The following KIF3A variants were observed in gnomAD, a reference collection of about 807,000 sequenced individuals.
KIF3A encodes kinesin family member 3A.
In KIF3A, 27 loss-of-function variants were observed where a neutral mutation model predicts 92.6. The observed-to-expected ratio is 0.29, with a 90% CI of 0.21 to 0.40. The LOEUF (loss-of-function observed/expected upper bound fraction) is 0.40. Among genes scored for constraint, KIF3A ranks in the 10% least tolerant of loss-of-function variants. KIF3A has a pLI of 1.00. For synonymous variants in KIF3A, 250 were observed against 275.4 expected (o/e 0.91, Z 0.92); for missense variants, 581 against 872.6 (o/e 0.67, Z 4.21).
At chr5:132,689,288 CCTT>C (rs1206326051), downstream of KIF3A, among the ~76,000 whole-genome samples, 6 of 152,152 alleles carry the variant, frequency 3.9e-5, no homozygotes, top group African/African-American at 1.2e-4. Flanking sequence ...TGTGTTAACT[CCTT>C]CTGTAAAGGC....
chr5:132,725,235 T>C (rs1190266620), intron 4 of KIF3A, among the ~76,000 whole-genome samples: 1 of 152,132 alleles, frequency 6.6e-6, no homozygotes, highest in East Asian at 1.9e-4. Flanking sequence ...ATATTTGCTA[T>C]ATAAATGGTA....
chr5:132,724,075 A>T (rs1753917845), intron 4 of KIF3A, among the ~76,000 whole-genome samples: 1 of 152,234 alleles, frequency 6.6e-6, no homozygotes. Flanking sequence ...GTCATCAGAG[A>T]AATGCAAATC....
chr5:132,716,723 T>C (rs1426414264), intron 6 of KIF3A, 122 bp downstream of exon 6: 3 of 1,082,930 alleles, frequency 2.8e-6, no homozygotes, highest in South Asian at 2.8e-5. Flanking sequence ...ATAATAAACA[T>C]ACACAAGTAA....
intron 18 of KIF3A, among the ~76,000 whole-genome samples, chr5:132,696,968 C>T (rs529633242): frequency 7.2e-5 from 11 of 152,286 alleles, no homozygotes; most frequent in Admixed American, 3.3e-4. Context: ...GTGGCCAGGC[C>T]AAGTGAGCTG....
At chr5:132,706,768 T>C (rs1297621311) in intron 10 of KIF3A, among the ~76,000 whole-genome samples, 1 of 152,154 alleles carries the variant, frequency 6.6e-6, no homozygotes, top group Non-Finnish European at 1.5e-5. Flanking sequence ...AAGGTCACAG[T>C]TCAACACCAT....
intron 18 of KIF3A, 108 bp downstream of exon 18, chr5:132,699,063 C>T (rs1752935483): frequency 1.8e-6 from 2 of 1,139,832 alleles, no homozygotes; most frequent in East Asian, 4.9e-5. Flanking sequence ...AATAAATCAG[C>T]CAAAATATGT....
At chr5:132,707,243 T>C (rs1753243530) in intron 10 of KIF3A, among the ~76,000 whole-genome samples, 1 of 152,034 alleles carries the variant, frequency 6.6e-6, no homozygotes, top group South Asian at 2.1e-4. Context: ...TAAACAATGA[T>C]TCTACAGGAG....
chr5:132,696,698 A>G lies in KIF3A; in HGVS notation c.2133-16T>C. 1 of 1,599,636 alleles carries G rather than the reference A, an allele frequency of 6.3e-7. No homozygotes were observed. Among genetic ancestry groups the G allele is most frequent in the Non-Finnish European group, 8.6e-7 (1 of 1,167,048 alleles). On this transcript the variant is annotated splice_polypyrimidine_tract_variant and intron_variant, in intron 18 of 18. Coordinates refer to ENST00000403231, the MANE Select transcript of KIF3A (RefSeq NM_001300791.2). ...AGAACGCTTTCTGTTTGGAGAAGAA[A>G]AAAAGCAATCATGAATGCTTTCCTA...
At chr5:132,728,589 T>C (rs1006153477) in intron 2 of KIF3A, among the ~76,000 whole-genome samples, 2 of 151,720 alleles carry the variant, frequency 1.3e-5, no homozygotes, top group African/African-American at 4.8e-5. Flanking sequence ...ATACAAAAAT[T>C]AGCTGGGTGT....
intron 4 of KIF3A, chr5:132,723,669 A>C (rs2149913741): frequency 6.6e-6 from 1 of 152,362 alleles, no homozygotes; most frequent in Non-Finnish European, 1.5e-5. Context: ...TTAAAGACTT[A>C]AATGTTAGAC....
rs928973241 is a variant in KIF3A, at chr5:132,702,612, T to C, written c.1704A>G (p.Gly568=). ...AAACTTTCTTTAACTTCTTGGTCTTTCCCTGTGCTTCCTCTTGCAAACTGG... is the reference window on the plus strand; with the variant it reads ...AAACTTTCTTTAACTTCTTGGTCTTCCCCTGTGCTTCCTCTTGCAAACTGG... ...KYTSLQEEAQ[G]KTKKLKKVWT... Residue 568 remains glycine (G), a synonymous_variant, in exon 14 of 19, where the codon GGA becomes GGG. Coordinates refer to ENST00000403231, the MANE Select transcript of KIF3A (RefSeq NM_001300791.2). The C allele has an allele frequency of 6.2e-7, 1 of 1,613,458 alleles. No homozygotes were observed.
intron 5 of KIF3A, 120 bp from the exon 6 acceptor site, chr5:132,717,104 C>T (rs1231586855): frequency 1.1e-6 from 1 of 938,016 alleles, no homozygotes; most frequent in Admixed American, 2.5e-5. Context: ...GAGAGCATGG[C>T]TAAACCATAA....
chr5:132,720,760 A>C, intron 4 of KIF3A, 46 bp from the exon 5 acceptor site: 1 of 1,071,264 alleles, frequency 9.3e-7, no homozygotes, highest in Non-Finnish European at 1.4e-6. Context: ...ACTCTTCCAC[A>C]ATTATTTATT....
intron 4 of KIF3A, chr5:132,723,127 C>T (rs1417059131): frequency 6.6e-6 from 1 of 152,094 alleles, no homozygotes; most frequent in African/African-American, 2.4e-5. Context: ...GAACTACAAA[C>T]CACTGCTCAA....
At chr5:132,730,204 C>A (rs560028848) in intron 2 of KIF3A, among the ~76,000 whole-genome samples, 1 of 150,674 alleles carries the variant, frequency 6.6e-6, no homozygotes, top group Non-Finnish European at 1.5e-5. Flanking sequence ...CGGTGGCTCA[C>A]GCCTGTAATC....
intron 1 of KIF3A, among the ~76,000 whole-genome samples, chr5:132,735,588 A>G (rs997883980): frequency 2.6e-5 from 4 of 152,106 alleles, no homozygotes; most frequent in Middle Eastern, 3.2e-3. Flanking sequence ...ACTTCTATCT[A>G]TCTCTCATCC....
chr5:132,728,470 T>C (rs189345623), intron 2 of KIF3A, among the ~76,000 whole-genome samples: 4 of 152,292 alleles, frequency 2.6e-5, no homozygotes, highest in African/African-American at 9.6e-5. Context: ...GCGGGGTGGC[T>C]CATGCCTGTA....
At position 132,726,459 on chromosome 5, in the gene KIF3A, G is replaced by C. The variant is rs1197656103; in HGVS notation, c.320C>G (p.Thr107Ser). The stretch of plus-strand genomic sequence containing the variant: ...AGCTCGAACACCTTCCATGGTAAAA[G>C]TTTTGCCTGTTCCGGTTTGTCCATA... ...FAYGQTGTGK[T>S]FTMEGVRAIP... The change falls in exon 3 of 19, where the codon ACT becomes AGT. Residue 107 changes from threonine to serine, a missense_variant. By Grantham distance (58) the Thr-to-Ser change is moderately conservative. Transcript: ENST00000403231. 1 of 1,613,666 alleles carries C rather than the reference G, an allele frequency of 6.2e-7. No individual in the cohort carries two copies. The highest frequency in any genetic ancestry group is 8.5e-7 in the Non-Finnish European group (1 of 1,179,672).
At chr5:132,704,476 A>G (rs577224561) in intron 11 of KIF3A, among the ~76,000 whole-genome samples, 1 of 152,002 alleles carries the variant, frequency 6.6e-6, no homozygotes, top group Non-Finnish European at 1.5e-5. Flanking sequence ...AATGTCTAAT[A>G]AAGTATTTTA....
Sources: gnomAD v4.1 joint callset for allele counts (sites outside exome capture counted in the v4.1 genomes callset) on GRCh38, gnomAD v4.1.1 for gene constraint, MANE v1.5 for transcripts, NCBI Gene and HGNC (gene_info 2026-07-23, HGNC 2026-07-21) for gene names.